The following PPAT variants were observed in gnomAD, a reference collection of about 807,000 sequenced individuals.
PPAT encodes phosphoribosyl pyrophosphate amidotransferase, also known as amidophosphoribosyltransferase.
A neutral mutation model predicts 60.2 loss-of-function variants in PPAT; 20 were observed. The ratio of observed to expected loss-of-function variants is 0.33; its 90% CI spans 0.23 to 0.48. PPAT has a LOEUF of 0.48. PPAT is among the 20% of genes least tolerant of loss of function. PPAT has a pLI of 0.99. For synonymous variants in PPAT, 194 were observed against 215.1 expected (o/e 0.90, Z 0.86); for missense variants, 349 against 629.6 (o/e 0.55, Z 4.77).
intron 1 of PPAT, among the ~76,000 whole-genome samples, chr4:56,412,149 A>T (rs9683679): frequency 0.68 from 103,479 of 151,940 alleles, 35,347 homozygotes; most frequent in Admixed American, 0.76. Flanking sequence ...CCAATATCTC[A>T]ACTTCTTAAA....
In PPAT at chr4:56,406,508, C is replaced by T. The variant is rs1578117242; in HGVS notation, c.389G>A (p.Arg130Gln). The T allele has an allele frequency of 1.2e-6, 2 of 1,611,812 alleles. No individual in the cohort carries two copies. The highest frequency in any genetic ancestry group is 1.7e-5 in the Admixed American group (1 of 60,010). Reference protein sequence around the residue: ...AHNGELVNAARLRKKLLRHGI... With the variant: ...AHNGELVNAAQLRKKLLRHGI... ...AAACAAACGTACCTTTTTCCTTAAT[C>T]GAGCAGCATTTACCAATTCGCCATT... is the stretch of plus-strand genomic sequence containing the variant. The change falls in exon 3 of 11, where the codon CGA becomes CAA. Residue 130 changes from arginine (R) to glutamine (Q), a missense_variant. Arg to Gln is a conservative substitution (Grantham distance 43). Around this residue, in one of 5 missense-constraint regions of PPAT, gnomAD observed 115 missense variants for 174.5 expected, o/e 0.66. Coordinates refer to ENST00000264220, the MANE Select transcript of PPAT (RefSeq NM_002703.5).
At chr4:56,426,875 T>G (rs182303059) in intron 1 of PPAT, among the ~76,000 whole-genome samples, 1 of 152,224 alleles carries the variant, frequency 6.6e-6, no homozygotes, top group Admixed American at 6.5e-5. Context: ...CTGAAACTTC[T>G]GTAGCCATTA....
At chr4:56,408,513 C>T (rs6554356) in intron 1 of PPAT, among the ~76,000 whole-genome samples, 101,679 of 149,700 alleles carry the variant, frequency 0.68, 34,595 homozygotes, top group Admixed American at 0.76. Context: ...AAGATTAACT[C>T]CTAGGTGGAG....
At chr4:56,397,668 A>T (rs978718918) in intron 9 of PPAT, among the ~76,000 whole-genome samples, 7 of 152,148 alleles carry the variant, frequency 4.6e-5, no homozygotes, top group African/African-American at 1.7e-4. Flanking sequence ...AACTTAATAT[A>T]TCTATATAAA....
chr4:56,395,196 ATCCTT>A lies in PPAT; in HGVS notation c.*151_*155del, dbSNP rs1715940493. On this transcript the variant is annotated 3_prime_UTR_variant, in exon 11 of 11. Transcript: ENST00000264220. Reference sequence around the variant, plus strand: ...AAATGTTCAGTTATCGCACTTTGGTATCCTTTTCAGAAAAAAAAAAAATCTCAAAA... The same window carrying A: ...AAATGTTCAGTTATCGCACTTTGGTATTCAGAAAAAAAAAAAATCTCAAAA... The A allele has an allele frequency of 1.6e-6, 1 of 615,130 alleles. No individual in the cohort carries two copies. The allele number at this position is 615,130 out of a possible 1,614,324, so 38.1% of individuals were successfully genotyped here. A position where few individuals can be genotyped will look rare whatever the true frequency, so the allele number is the denominator to read the frequency against.
chr4:56,407,943 T>C (rs1716288739), intron 1 of PPAT, among the ~76,000 whole-genome samples: 1 of 152,212 alleles, frequency 6.6e-6, no homozygotes, highest in African/African-American at 2.4e-5. Flanking sequence ...TTAACTAACA[T>C]GCCAGGCAGT....
chr4:56,431,914 C>G (rs144356437), intron 1 of PPAT, among the ~76,000 whole-genome samples: 1 of 152,282 alleles, frequency 6.6e-6, no homozygotes, highest in Non-Finnish European at 1.5e-5. Context: ...CACACACATG[C>G]ATGCACAGTT....
intron 1 of PPAT, chr4:56,431,630 T>C (rs1464582724): frequency 2.1e-6 from 1 of 477,760 alleles, no homozygotes; most frequent in African/African-American, 2.1e-5. Context: ...TGATAATTCA[T>C]TGAATGGAAG....
At chr4:56,404,148 C>T (rs1465495132) in intron 3 of PPAT, 2 of 352,518 alleles carry the variant, frequency 5.7e-6, no homozygotes, top group African/African-American at 4.2e-5. Flanking sequence ...GAAAAATGTG[C>T]TTTATGAGAT....
intron 1 of PPAT, among the ~76,000 whole-genome samples, chr4:56,434,586 TCTTGGCATAGAGA>T (rs1717795288): frequency 6.6e-6 from 1 of 152,198 alleles, no homozygotes; most frequent in South Asian, 2.1e-4. Context: ...AGTGTATGGA[TCTTGGCATAGAGA>T]CACTACTCCC....
intron 1 of PPAT, among the ~76,000 whole-genome samples, chr4:56,434,533 A>C (rs1717791834): frequency 6.6e-6 from 1 of 152,240 alleles, no homozygotes; most frequent in Non-Finnish European, 1.5e-5. Context: ...GAAGCAAAGT[A>C]ATTTTTTTTA....
At chr4:56,413,149 TG>T (rs1189832882) in intron 1 of PPAT, among the ~76,000 whole-genome samples, 1 of 150,264 alleles carries the variant, frequency 6.7e-6, no homozygotes, top group Non-Finnish European at 1.5e-5. Flanking sequence ...GTCTTGTTTT[TG>T]GTTTTTGGTT....
At chr4:56,399,061 TA>T (rs925057471) in intron 9 of PPAT, 117 bp downstream of exon 9, 4 of 839,354 alleles carry the variant, frequency 4.8e-6, no homozygotes, top group East Asian at 2.7e-5. Flanking sequence ...ACCAAACTGA[TA>T]AAAAAAGTTA....
chr4:56,415,942 T>C (rs889740908), intron 1 of PPAT, among the ~76,000 whole-genome samples: 7 of 151,950 alleles, frequency 4.6e-5, no homozygotes, highest in African/African-American at 1.7e-4. Flanking sequence ...TGGTGGCAGA[T>C]GCCTGTAATC....
intron 1 of PPAT, among the ~76,000 whole-genome samples, chr4:56,428,302 G>T (rs1717399565): frequency 6.6e-6 from 1 of 152,118 alleles, no homozygotes; most frequent in East Asian, 1.9e-4. Flanking sequence ...GAGTAACACA[G>T]AGGCCGGAAA....
chr4:56,407,510 G>T lies in PPAT; in HGVS notation c.195+140C>A, dbSNP rs184502459. The stretch of plus-strand genomic sequence containing the variant: ...ATTTTGTATTTTTAGTAGAGACAGG[G>T]TTTCTCCATGTTGGTCAGGCTGGTC... On this transcript the variant is annotated intron_variant, in intron 2 of 10. Coordinates refer to ENST00000264220, the MANE Select transcript of PPAT (RefSeq NM_002703.5). 5,723 of 604,224 alleles carry T rather than the reference G, an allele frequency of 9.5e-3. 271 individuals carry two copies. Among genetic ancestry groups the T allele is most frequent in the African/African-American group, 0.093 (5,022 of 54,056 alleles). 37.4% of individuals were successfully genotyped at this position (604,224 alleles called of 1,614,324 possible). A position where few individuals can be genotyped will look rare whatever the true frequency, so the allele number is the denominator to read the frequency against.
In PPAT at chr4:56,428,502, G is replaced by A. The variant is rs192238213; in HGVS notation, c.128+6848C>T. On this transcript the variant is annotated intron_variant, in intron 1 of 10. Transcript: ENST00000264220. ...TATAAAAATGTAAAATATGAATATA[G>A]CATTTTACAAAGAAAAAATGGCAAC... 2.6e-5 allele frequency among the ~76,000 whole-genome samples: 4 copies of A among 152,214 alleles called. No homozygotes were observed. In the East Asian group the frequency reaches 7.7e-4, roughly 29 times the overall value.
At chr4:56,434,160 A>T (rs1304494448) in intron 1 of PPAT, among the ~76,000 whole-genome samples, 1 of 152,238 alleles carries the variant, frequency 6.6e-6, no homozygotes, top group African/African-American at 2.4e-5. Context: ...TACGCAAGTT[A>T]AAAATATTCT....
intron 8 of PPAT, chr4:56,400,569 T>C (rs965758303): frequency 1.6e-5 from 7 of 430,584 alleles, no homozygotes; most frequent in Non-Finnish European, 2.8e-5. Flanking sequence ...TAGTGAACGT[T>C]TTTTTCTTTT....
Sources: gnomAD v4.1 joint callset for allele counts (sites outside exome capture counted in the v4.1 genomes callset) on GRCh38, gnomAD v4.1.1 for gene constraint, gnomAD v4.1.1 regional missense constraint, MANE v1.5 for transcripts, NCBI Gene and HGNC (gene_info 2026-07-23, HGNC 2026-07-21) for gene names.